Variants in APBB1 observed in about 807,000 individuals in gnomAD.
The protein encoded by APBB1 is amyloid beta precursor protein binding family B member 1, also known as adaptor protein FE65a2.
In APBB1, 22 loss-of-function variants were observed where a neutral mutation model predicts 78.4. The observed-to-expected ratio is 0.28, with a 90% CI of 0.20 to 0.40. APBB1 has a LOEUF of 0.40. APBB1 is among the 10% of genes least tolerant of loss of function. The pLI is 1.00. For missense variants in APBB1, 749 were observed against 932.4 expected, an observed-to-expected ratio of 0.80 and a Z score of 2.56; for synonymous variants, 369 against 372.7, an observed-to-expected ratio of 0.99 and a Z score of 0.12.
chr11:6,396,847 T>C (rs1451091203), intron 12 of APBB1, among the ~76,000 whole-genome samples: 1 of 152,210 alleles, frequency 6.6e-6, no homozygotes, highest in Non-Finnish European at 1.5e-5. Context: ...TTCTTAGCCA[T>C]GCCTTTCTCC....
chr11:6,406,101 G>A (rs1018592665), intron 2 of APBB1, among the ~76,000 whole-genome samples: 10 of 152,178 alleles, frequency 6.6e-5, no homozygotes, highest in African/African-American at 2.2e-4. Context: ...CATCTGGGAG[G>A]CCCTTCTGGA....
Position 6,401,973 on chromosome 11 carries a change from G to C in APBB1, c.1388+4C>G, listed in dbSNP as rs774357957. 6.4e-7 allele frequency: 1 copy of C among 1,564,834 alleles called. No individual in the cohort carries two copies. Among genetic ancestry groups the C allele is most frequent in the Non-Finnish European group, 8.7e-7 (1 of 1,155,492 alleles). The stretch of plus-strand genomic sequence containing the variant: ...GTGTAGGAGGGGGAAAATAGGCATA[G>C]TACCTCTCTCTGGGTCCAGCAGCAC... On this transcript the variant is annotated splice_donor_region_variant and intron_variant, in intron 9 of 14. Transcript: ENST00000609360. This position sits in a 1 kb window ranked among gnomAD's most constrained non-coding sequence, Gnocchi z 4.5.
In APBB1 at chr11:6,410,858, C is replaced by A; in HGVS notation, c.490G>T (p.Asp164Tyr). 1 of 1,613,938 alleles carries A rather than the reference C, an allele frequency of 6.2e-7. No individual in the cohort carries two copies. Among genetic ancestry groups the A allele is most frequent in the South Asian group, 1.1e-5 (1 of 91,074 alleles). ...TCCTCCTCCTCCTCTTCATCATCAT[C>A]ATCCTCCTCCTCCTCCTCGGCCTCC... The part of the protein sequence containing the change: ...AGEAEEEEED[D>Y]DDEEEEEDLS... Residue 164 changes from aspartate to tyrosine, a missense_variant, in exon 2 of 15, where the codon GAT becomes TAT. Coordinates refer to ENST00000609360, the MANE Select transcript of APBB1 (RefSeq NM_001164.5).
At chr11:6,414,139 G>A (rs1054642187) in intron 1 of APBB1, among the ~76,000 whole-genome samples, 12 of 151,974 alleles carry the variant, frequency 7.9e-5, no homozygotes, top group South Asian at 4.1e-4. Flanking sequence ...CCCACCTCCC[G>A]CCTCCTTTAT....
rs986649377 is a variant in APBB1 at position 6,410,047 on chromosome 11, C to T, written c.721+580G>A. Among the ~76,000 whole-genome samples the T allele has an allele frequency of 9.3e-5, 14 of 150,852 alleles. No individual in the cohort carries two copies. The East Asian group carries it at 2.4e-3, about 26-fold the overall frequency. ...TCCCAACAGGCGTGACCTGTTAAAA[C>T]GGGGCAGACTGGCGACAGAGTGAGA... On this transcript the variant is annotated intron_variant, in intron 2 of 14. Transcript: ENST00000609360.
rs1849191626 is a variant in APBB1, at chr11:6,419,002, G to A, written c.-32C>T. ...CCTCCTACCTGCGCGGTGAGGCCCCGGGCCCAGATGACGGAGGTGGCTCAG... is the reference window on the plus strand; with the variant it reads ...CCTCCTACCTGCGCGGTGAGGCCCCAGGCCCAGATGACGGAGGTGGCTCAG... On this transcript the variant is annotated 5_prime_UTR_variant, in exon 1 of 15. Coordinates refer to ENST00000609360, the MANE Select transcript of APBB1 (RefSeq NM_001164.5). The A allele has an allele frequency of 2.5e-6, 1 of 393,156 alleles. No individual in the cohort carries two copies. Among genetic ancestry groups the A allele is most frequent in the Admixed American group, 4.4e-5 (1 of 22,538 alleles). 24.4% of individuals were successfully genotyped at this position (393,156 alleles called of 1,614,324 possible).
intron 2 of APBB1, chr11:6,404,644 G>A (rs755416806): frequency 2.0e-6 from 3 of 1,536,298 alleles, no homozygotes; most frequent in African/African-American, 2.7e-5. Context: ...TGCCGGCAGA[G>A]CCACACCACT....
intron 12 of APBB1, among the ~76,000 whole-genome samples, chr11:6,399,713 G>A (rs1848403774): frequency 1.3e-5 from 2 of 152,208 alleles, no homozygotes; most frequent in South Asian, 4.1e-4. Flanking sequence ...CACTCTCGGA[G>A]ACTTCAATAA....
At chr11:6,412,094 G>A (rs1848981107) in intron 1 of APBB1, among the ~76,000 whole-genome samples, 1 of 152,314 alleles carries the variant, frequency 6.6e-6, no homozygotes, top group Non-Finnish European at 1.5e-5. Flanking sequence ...GGATCACTAT[G>A]GGAGCCTTTC....
chr11:6,414,062 G>A (rs557410831), intron 1 of APBB1, among the ~76,000 whole-genome samples: 28 of 152,216 alleles, frequency 1.8e-4, no homozygotes, highest in Non-Finnish European at 1.6e-4. Context: ...TTCGGATAAC[G>A]CCTGCACTCG....
At position 6,411,003 on chromosome 11, in the gene APBB1, G is replaced by C; in HGVS notation, c.345C>G (p.His115Gln). The part of the protein sequence containing the change: ...MAPLGPKGLI[H>Q]LYSELELSAH... ...CTGAGAGCTCCAGCTCAGAGTACAG[G>C]TGTATCAGGCCTTTGGGGCCCAAGG... The change falls in exon 2 of 15, where the codon CAC becomes CAG. Residue 115 changes from histidine (H) to glutamine (Q), a missense_variant. His to Gln is a conservative substitution (Grantham distance 24). Transcript: ENST00000609360. This position sits in a 1 kb window ranked among gnomAD's most constrained non-coding sequence, Gnocchi z 5.2. 1 of 1,614,142 alleles carries C rather than the reference G, an allele frequency of 6.2e-7. No homozygotes were observed. The highest frequency in any genetic ancestry group is 8.5e-7 in the Non-Finnish European group (1 of 1,180,038).
intron 1 of APBB1, among the ~76,000 whole-genome samples, chr11:6,412,129 T>A (rs951875698): frequency 6.6e-6 from 1 of 152,134 alleles, no homozygotes; most frequent in Non-Finnish European, 1.5e-5. Flanking sequence ...GCCTTTCAGA[T>A]CTTTGTTTTT....
At chr11:6,408,095 T>C (rs1848863174) in intron 2 of APBB1, among the ~76,000 whole-genome samples, 2 of 152,212 alleles carry the variant, frequency 1.3e-5, no homozygotes, top group African/African-American at 4.8e-5. Context: ...AAGTATTTAA[T>C]ACCACCTATG....
chr11:6,418,446 A>G (rs1289226138), intron 1 of APBB1, among the ~76,000 whole-genome samples: 1 of 152,204 alleles, frequency 6.6e-6, no homozygotes, highest in African/African-American at 2.4e-5. Flanking sequence ...AGAATGCAAG[A>G]GATACACAGG....
In APBB1 at chr11:6,407,815, C is replaced by T. The variant is rs555404045; in HGVS notation, c.721+2812G>A. ...TGAGACGGAGTCTCGCTCTGTCGCC[C>T]GGGCCGGACTGCGGACTGCAGTGGC... On this transcript the variant is annotated intron_variant, in intron 2 of 14. Coordinates refer to ENST00000609360, the MANE Select transcript of APBB1 (RefSeq NM_001164.5). Among the ~76,000 whole-genome samples, 1,073 of 150,718 alleles carry T rather than the reference C, an allele frequency of 7.1e-3. 17 individuals are homozygous for T. Among genetic ancestry groups the T allele is most frequent in the African/African-American group, 0.025 (1,007 of 40,758 alleles).
chr11:6,404,468 A>T, intron 2 of APBB1: 1 of 1,024,464 alleles, frequency 9.8e-7, no homozygotes, highest in Non-Finnish European at 1.4e-6. Flanking sequence ...TGTGGGTACC[A>T]CACACACAGG....
intron 12 of APBB1, 56 bp from the exon 13 acceptor site, chr11:6,396,271 T>C: frequency 1.4e-6 from 2 of 1,434,520 alleles, no homozygotes; most frequent in African/African-American, 1.4e-5. Flanking sequence ...ACCCCAGCTC[T>C]ACCCTGGACC....
intron 1 of APBB1, among the ~76,000 whole-genome samples, chr11:6,412,113 C>T (rs1366602723): frequency 1.3e-5 from 2 of 152,172 alleles, no homozygotes; most frequent in Admixed American, 6.5e-5. Flanking sequence ...TCCCCTGGGC[C>T]CCTCAGCCTT....
At chr11:6,400,942 T>G (rs1590765648) in intron 12 of APBB1, 47 bp downstream of exon 12, 1 of 1,562,706 alleles carries the variant, frequency 6.4e-7, no homozygotes, top group Non-Finnish European at 8.8e-7. Flanking sequence ...AGGGGCAGAG[T>G]TTTAGGATCA....
Sources: gnomAD v4.1 joint callset for allele counts (sites outside exome capture counted in the v4.1 genomes callset) on GRCh38, gnomAD v4.1.1 for gene constraint, Gnocchi (gnomAD v3.1) non-coding constraint, MANE v1.5 for transcripts, NCBI Gene and HGNC (gene_info 2026-07-23, HGNC 2026-07-21) for gene names.